SHANK2: variants seen among roughly 807,000 people sequenced by gnomAD.
SHANK2 encodes the protein SH3 and multiple ankyrin repeat domains protein 2.
In SHANK2, 43 loss-of-function variants were observed where a neutral mutation model predicts 133.7. That is an observed-to-expected ratio of 0.32 (90% CI 0.25 to 0.41). The LOEUF is 0.41. SHANK2 is among the 10% of genes least tolerant of loss of function. The pLI is 1.00. For synonymous variants in SHANK2, 1,017 were observed against 952.8 expected (o/e 1.07, Z -1.24); for missense variants, 1,994 against 2,235.8 (o/e 0.89, Z 2.18).
At chr11:70,844,196 TA>T (rs1948959572) in intron 11 of SHANK2, among the ~76,000 whole-genome samples, 2 of 152,170 alleles carry the variant, frequency 1.3e-5, no homozygotes, top group African/African-American at 4.8e-5. Context: ...CAGGCACCCC[TA>T]CAACATTAGT....
intron 10 of SHANK2, chr11:70,948,401 G>C: frequency 1.1e-5 from 5 of 456,902 alleles, no homozygotes; most frequent in South Asian, 7.7e-5. Context: ...ATATGTACTG[G>C]TGGAAATAAT....
At chr11:71,140,778 A>C (rs1462899436) in intron 3 of SHANK2, among the ~76,000 whole-genome samples, 1 of 150,280 alleles carries the variant, frequency 6.7e-6, no homozygotes, top group Admixed American at 6.6e-5. Flanking sequence ...TGTAGAGTGA[A>C]TGGCGAGGGA....
chr11:70,611,962 GA>G (rs1251907275), intron 17 of SHANK2, among the ~76,000 whole-genome samples: 7 of 151,740 alleles, frequency 4.6e-5, no homozygotes, highest in South Asian at 2.1e-4. Flanking sequence ...GGAGGTGGGG[GA>G]GGGGGGGCGG....
At chr11:70,515,810 C>CA (rs60758055) in intron 17 of SHANK2, among the ~76,000 whole-genome samples, 1 of 151,932 alleles carries the variant, frequency 6.6e-6, no homozygotes, top group Non-Finnish European at 1.5e-5. Context: ...AGACCTGTCT[C>CA]AAAAAAATTT....
intron 15 of SHANK2, among the ~76,000 whole-genome samples, chr11:70,690,581 A>T (rs1176635295): frequency 1.5e-5 from 2 of 129,976 alleles, no homozygotes. Flanking sequence ...TGGCTTCCCA[A>T]AGTGCTGAGG....
chr11:71,196,638 T>C (rs911675384), intron 2 of SHANK2, among the ~76,000 whole-genome samples: 2 of 151,542 alleles, frequency 1.3e-5, no homozygotes, highest in African/African-American at 4.8e-5. Flanking sequence ...GTCCTAGAAA[T>C]GTCAAAGGCT....
rs116264152 is a variant in SHANK2 at position 70,873,540 on chromosome 11, G to A, written c.1174+22961C>T. 6.6e-3 allele frequency among the ~76,000 whole-genome samples: 1,001 copies of A among 152,274 alleles called. 7 individuals carry two copies. Among genetic ancestry groups the A allele is most frequent in the African/African-American group, 0.023 (935 of 41,538 alleles). On this transcript the variant is annotated intron_variant, in intron 11 of 25. Coordinates refer to ENST00000601538, the MANE Select transcript of SHANK2 (RefSeq NM_012309.5). ...AGCAGTGGTCCCATGAAGGAGGAGC[G>A]GCTGCCACACACCCTTTCGGGGCTT...
chr11:71,226,398 A>G (rs2135748878), intron 1 of SHANK2, among the ~76,000 whole-genome samples: 1 of 152,354 alleles, frequency 6.6e-6, no homozygotes, highest in South Asian at 2.1e-4. Flanking sequence ...CTGAAAAAGT[A>G]CTCAAAATGT....
At chr11:70,802,887 A>C (rs1555050843) in intron 13 of SHANK2, among the ~76,000 whole-genome samples, 1 of 152,164 alleles carries the variant, frequency 6.6e-6, no homozygotes, top group African/African-American at 2.4e-5. Flanking sequence ...CCTAGGCCTC[A>C]CCCATGGCCA....
intron 17 of SHANK2, among the ~76,000 whole-genome samples, chr11:70,528,787 A>G: frequency 6.6e-6 from 1 of 151,036 alleles, no homozygotes; most frequent in African/African-American, 2.4e-5. Flanking sequence ...GGAGGGTGAA[A>G]GGTGAAGGGG....
chr11:70,820,024 A>G (rs1237086022), intron 12 of SHANK2, among the ~76,000 whole-genome samples: 1 of 152,028 alleles, frequency 6.6e-6, no homozygotes, highest in Non-Finnish European at 1.5e-5. Flanking sequence ...CCCTCTTGAC[A>G]TTTCACTTAG....
intron 23 of SHANK2, chr11:70,489,645 A>G: frequency 2.0e-6 from 1 of 489,644 alleles, no homozygotes; most frequent in South Asian, 2.3e-5. Flanking sequence ...CTTAGCTTCT[A>G]CCAGAATTGA....
intron 6 of SHANK2, among the ~76,000 whole-genome samples, chr11:71,095,523 C>A (rs533355343): frequency 1.3e-5 from 2 of 152,214 alleles, no homozygotes; most frequent in African/African-American, 4.8e-5. Flanking sequence ...GGACAACACA[C>A]AAGTTCCCAT....
chr11:70,528,057 C>A (rs1329847146), intron 17 of SHANK2, among the ~76,000 whole-genome samples: 1 of 152,206 alleles, frequency 6.6e-6, no homozygotes, highest in Non-Finnish European at 1.5e-5. Context: ...TCCTCCCATC[C>A]CTGCAGATGA....
chr11:71,119,096 G>T, intron 3 of SHANK2, 64 bp from the exon 4 acceptor site: 1 of 1,455,984 alleles, frequency 6.9e-7, no homozygotes, highest in South Asian at 1.3e-5. Flanking sequence ...ACCCATGTGG[G>T]GCGCGTGGTC....
intron 14 of SHANK2, among the ~76,000 whole-genome samples, chr11:70,775,121 C>G (rs555636545): frequency 6.6e-6 from 1 of 152,054 alleles, no homozygotes; most frequent in Non-Finnish European, 1.5e-5. Context: ...ATTGCACCAC[C>G]GCACTCCAGT....
At chr11:70,601,047 A>ATATCTATATCTC (rs1554990975) in intron 17 of SHANK2, among the ~76,000 whole-genome samples, 38 of 150,960 alleles carry the variant, frequency 2.5e-4, no homozygotes, top group African/African-American at 9.3e-4. Flanking sequence ...ATCTATATCT[A>ATATCTATATCTC]TATCTATATC....
intron 17 of SHANK2, among the ~76,000 whole-genome samples, chr11:70,598,073 G>C (rs1046876020): frequency 6.6e-6 from 1 of 152,212 alleles, no homozygotes; most frequent in Admixed American, 6.5e-5. Flanking sequence ...GGACACTCAG[G>C]GGTGGAGTGG....
chr11:70,680,950 T>C (rs1265732280), intron 15 of SHANK2, among the ~76,000 whole-genome samples: 1 of 152,138 alleles, frequency 6.6e-6, no homozygotes, highest in Non-Finnish European at 1.5e-5. Context: ...CTCTTCCTAG[T>C]AAATCACACT....
Sources: gnomAD v4.1 joint callset for allele counts (sites outside exome capture counted in the v4.1 genomes callset) on GRCh38, gnomAD v4.1.1 for gene constraint, MANE v1.5 for transcripts, NCBI Gene and HGNC (gene_info 2026-07-23, HGNC 2026-07-21) for gene names.